RTN3: variants seen among roughly 807,000 people sequenced by gnomAD.
RTN3 encodes reticulon 3.
Under a neutral mutation model 77.8 loss-of-function variants are expected in RTN3, and 49 were observed. That is an observed-to-expected ratio of 0.63 (90% CI 0.50 to 0.80). RTN3 has a LOEUF of 0.80. RTN3 is among the 30% of genes least tolerant of loss of function. The probability of loss-of-function intolerance (pLI) is 0.00; values close to 1 mark genes in which losing one functional copy is unlikely to be tolerated. For missense variants in RTN3, 1,236 were observed against 1,211.9 expected, an observed-to-expected ratio of 1.02 and a Z score of -0.29; for synonymous variants, 464 against 446.9, an observed-to-expected ratio of 1.04 and a Z score of -0.48.
intron 1 of RTN3, among the ~76,000 whole-genome samples, chr11:63,682,558 A>T (rs1941116903): frequency 6.6e-6 from 1 of 151,014 alleles, no homozygotes; most frequent in African/African-American, 2.4e-5. Flanking sequence ...TAGAAAATAG[A>T]GTCATGCTAA....
chr11:63,718,878 G>T lies in RTN3; in HGVS notation c.376G>T (p.Asp126Tyr). The change falls in exon 3 of 9, where the codon GAT becomes TAT. Residue 126 changes from aspartate to tyrosine, a missense_variant. By Grantham distance (160) the Asp-to-Tyr change is radical. This residue lies in a region of RTN3 where 1,056 missense variants were observed against 990.4 expected (regional missense o/e 1.07). Coordinates refer to ENST00000377819, the MANE Select transcript of RTN3 (RefSeq NM_001265589.2). ...KEGKDHLDLL[D>Y]MKKMEKPQGT... ...AGGAAAAGACCACTTGGATCTTCTAGATATGAAAAAGATGGAAAAGCCTCA... is the reference window on the plus strand; with the variant it reads ...AGGAAAAGACCACTTGGATCTTCTATATATGAAAAAGATGGAAAAGCCTCA... 1 of 1,614,016 alleles carries T rather than the reference G, an allele frequency of 6.2e-7. No individual in the cohort carries two copies. Among genetic ancestry groups the T allele is most frequent in the South Asian group, 1.1e-5 (1 of 91,064 alleles).
intron 2 of RTN3, among the ~76,000 whole-genome samples, chr11:63,716,814 A>C (rs2011425406): frequency 6.6e-6 from 1 of 151,964 alleles, no homozygotes; most frequent in African/African-American, 2.4e-5. Context: ...AAATACAAAA[A>C]TAAAATTAGC....
intron 1 of RTN3, among the ~76,000 whole-genome samples, chr11:63,690,308 T>G (rs1239428552): frequency 6.6e-6 from 1 of 152,208 alleles, no homozygotes; most frequent in East Asian, 1.9e-4. Flanking sequence ...GTACTTGATT[T>G]TCACGATATC....
intron 1 of RTN3, among the ~76,000 whole-genome samples, chr11:63,683,927 C>CTCTTT (rs1171121051): frequency 8.6e-6 from 1 of 116,352 alleles, no homozygotes. Flanking sequence ...TTATTTCTTT[C>CTCTTT]TCTTTTCTTT....
intron 6 of RTN3, among the ~76,000 whole-genome samples, chr11:63,753,407 C>T (rs1035603118): frequency 2.6e-5 from 4 of 152,168 alleles, no homozygotes; most frequent in African/African-American, 7.2e-5. Context: ...TTACAGAAAC[C>T]ATTTTGGTAA....
At chr11:63,753,759 T>C (rs2014224029) in intron 7 of RTN3, 51 bp downstream of exon 7, 1 of 1,471,622 alleles carries the variant, frequency 6.8e-7, no homozygotes, top group South Asian at 1.1e-5. Context: ...GTATGACTAG[T>C]TGTAGTTCAT....
Position 63,681,544 on chromosome 11 carries a change from T to A in RTN3, c.-93T>A, listed in dbSNP as rs1590758396. 11 of 1,335,170 alleles carry A rather than the reference T, an allele frequency of 8.2e-6. No homozygotes were observed. Among genetic ancestry groups the A allele is most frequent in the Admixed American group, 7.4e-5 (3 of 40,720 alleles). 82.7% of individuals were successfully genotyped at this position (1,335,170 alleles called of 1,614,324 possible). A position where few individuals can be genotyped will look rare whatever the true frequency, so the allele number is the denominator to read the frequency against. On this transcript the variant is annotated 5_prime_UTR_variant, in exon 1 of 9. Coordinates refer to ENST00000377819, the MANE Select transcript of RTN3 (RefSeq NM_001265589.2). ...TCGGAGCAGGCGGAGTAAAGGGACT[T>A]GAGCGAGCCAGTTGCCGGATTATTC...
At chr11:63,742,826 T>C (rs1477366308) in intron 3 of RTN3, among the ~76,000 whole-genome samples, 4 of 152,092 alleles carry the variant, frequency 2.6e-5, no homozygotes, top group Admixed American at 2.0e-4. Flanking sequence ...ACTGGTCTTA[T>C]ATATCTTTTG....
rs1192927695 is a variant in RTN3 at position 63,720,443 on chromosome 11, T to A, written c.1941T>A (p.Asp647Glu). 1.9e-6 allele frequency: 3 copies of A among 1,613,452 alleles called. No homozygotes were observed. Among genetic ancestry groups the A allele is most frequent in the Admixed American group, 1.7e-5 (1 of 59,940 alleles). ...ATGGGAAAAATGTTAAACATATAGA[T>A]GATTCCTCCCCAGAGGACCTGATAG... ...SLHGKNVKHI[D>E]DSSPEDLIAA... The change falls in exon 3 of 9, where the codon GAT becomes GAA. Residue 647 changes from aspartate to glutamate, a missense_variant. Physicochemically the swap from Asp to Glu is conservative, Grantham distance 45. Transcript: ENST00000377819.
chr11:63,740,487 C>T (rs376758786), intron 3 of RTN3, among the ~76,000 whole-genome samples: 12 of 135,704 alleles, frequency 8.8e-5, no homozygotes, highest in African/African-American at 2.8e-4. Flanking sequence ...TTAGTACAGA[C>T]AGGATTTCAC....
chr11:63,725,900 A>G (rs1302522533), intron 3 of RTN3, among the ~76,000 whole-genome samples: 1 of 152,178 alleles, frequency 6.6e-6, no homozygotes, highest in Non-Finnish European at 1.5e-5. Context: ...TTATGTAAAA[A>G]TGTTCGTAAT....
At chr11:63,714,523 C>A (rs1466479970) in intron 2 of RTN3, 1 of 146,452 alleles carries the variant, frequency 6.8e-6, no homozygotes, top group African/African-American at 2.6e-5. Flanking sequence ...CTCTTCTCTT[C>A]TCTTCTCTTT....
intron 2 of RTN3, among the ~76,000 whole-genome samples, chr11:63,706,873 A>C (rs1239615121): frequency 2.0e-5 from 3 of 151,312 alleles, no homozygotes; most frequent in South Asian, 2.1e-4. Flanking sequence ...TCTAACCTTA[A>C]GTCACTATTT....
chr11:63,731,485 T>A (rs2012688394), intron 3 of RTN3, among the ~76,000 whole-genome samples: 1 of 152,048 alleles, frequency 6.6e-6, no homozygotes, highest in Non-Finnish European at 1.5e-5. Flanking sequence ...CTAGGAAAAT[T>A]CCCAAATATT....
chr11:63,752,674 A>G (rs1199127174), intron 5 of RTN3, 29 bp downstream of exon 5: 1 of 1,608,104 alleles, frequency 6.2e-7, no homozygotes. Context: ...TCTTGGTGGT[A>G]AAACAGAAAA....
chr11:63,723,486 C>T (rs375188660), intron 3 of RTN3, among the ~76,000 whole-genome samples: 1 of 150,078 alleles, frequency 6.7e-6, no homozygotes, highest in Admixed American at 6.7e-5. Flanking sequence ...TGCAGTGGCG[C>T]GATCTCGGCT....
rs1590864655 is a variant in RTN3 at position 63,735,601 on chromosome 11, T to TC, written c.2531-14390_2531-14389insC. On this transcript the variant is annotated intron_variant, in intron 3 of 8. Transcript: ENST00000377819. ...CTCTCTCTCTCTCTCTCTCTCTCTC[T>TC]TTCTTTCAACCCCTGTTTCCTGGGC... Among the ~76,000 whole-genome samples the TC allele has an allele frequency of 7.2e-3, 1,044 of 145,828 alleles. 5 individuals are homozygous for TC. Among genetic ancestry groups the TC allele is most frequent in the African/African-American group, 0.013 (472 of 37,746 alleles).
intron 2 of RTN3, among the ~76,000 whole-genome samples, chr11:63,717,784 C>T (rs941269224): frequency 1.3e-5 from 2 of 151,494 alleles, no homozygotes; most frequent in Non-Finnish European, 2.9e-5. Context: ...GAGGCCAAGG[C>T]GGGTGGATCA....
intron 3 of RTN3, among the ~76,000 whole-genome samples, chr11:63,730,726 G>A (rs1005186370): frequency 6.6e-6 from 1 of 152,106 alleles, no homozygotes; most frequent in Non-Finnish European, 1.5e-5. Context: ...AGGCTGAGGC[G>A]GAGGATTGCT....
Sources: gnomAD v4.1 joint callset for allele counts (sites outside exome capture counted in the v4.1 genomes callset) on GRCh38, gnomAD v4.1.1 for gene constraint, gnomAD v4.1.1 regional missense constraint, MANE v1.5 for transcripts, NCBI Gene and HGNC (gene_info 2026-07-23, HGNC 2026-07-21) for gene names.